Variants in ING3 observed in about 807,000 individuals in gnomAD.
The protein encoded by ING3 is inhibitor of growth family member 3.
Under a neutral mutation model 64.8 loss-of-function variants are expected in ING3, and 6 were observed. That is an observed-to-expected ratio of 0.09 (90% confidence interval 0.05 to 0.18). ING3 has a LOEUF of 0.18. ING3 is among the 10% of genes least tolerant of loss of function. The pLI, the probability that ING3 is intolerant of heterozygous loss-of-function variation, is 1.00. For synonymous variants in ING3, 170 were observed against 173.7 expected (o/e 0.98, Z 0.17); for missense variants, 310 against 489.7 (o/e 0.63, Z 3.46).
chr7:120,953,832 A>G (rs1341211481), intron 3 of ING3, among the ~76,000 whole-genome samples: 3 of 152,226 alleles, frequency 2.0e-5, no homozygotes, highest in Non-Finnish European at 4.4e-5. Flanking sequence ...AATTTAAGAA[A>G]GCCTTCTAGT....
intron 4 of ING3, among the ~76,000 whole-genome samples, chr7:120,963,556 A>C (rs1795961003): frequency 6.6e-6 from 1 of 152,196 alleles, no homozygotes; most frequent in Non-Finnish European, 1.5e-5. Flanking sequence ...GTAATGCATT[A>C]GCTATATGAC....
intron 11 of ING3, among the ~76,000 whole-genome samples, chr7:120,974,100 C>A (rs1231015542): frequency 6.6e-6 from 1 of 152,160 alleles, no homozygotes; most frequent in East Asian, 1.9e-4. Flanking sequence ...ACTGTAAACT[C>A]TTCTGGGGCA....
chr7:120,953,474 A>C, intron 3 of ING3, 70 bp downstream of exon 3: 1 of 868,574 alleles, frequency 1.2e-6, no homozygotes, highest in South Asian at 1.5e-5. Flanking sequence ...TTCAAAATTA[A>C]ATAGTGGTCT....
intron 10 of ING3, 45 bp downstream of exon 10, chr7:120,970,925 G>A (rs762255562): frequency 6.9e-7 from 1 of 1,452,630 alleles, no homozygotes; most frequent in African/African-American, 1.4e-5. Flanking sequence ...GAATAAACTA[G>A]AAGGAAGAGA....
intron 10 of ING3, among the ~76,000 whole-genome samples, chr7:120,971,387 A>G (rs1796068248): frequency 6.6e-6 from 1 of 152,090 alleles, no homozygotes; most frequent in East Asian, 1.9e-4. Flanking sequence ...CCACTCTATG[A>G]CCTCATTTAA....
chr7:120,960,213 C>T (rs962649647), intron 4 of ING3, among the ~76,000 whole-genome samples: 3 of 152,074 alleles, frequency 2.0e-5, no homozygotes, highest in Non-Finnish European at 4.4e-5. Flanking sequence ...GCAAGTTGAA[C>T]CAAGAGAGAG....
In ING3 at chr7:120,961,335, G is replaced by A. The variant is rs573133744; in HGVS notation, c.268-3407G>A. Among the ~76,000 whole-genome samples the A allele has an allele frequency of 6.6e-5, 10 of 151,984 alleles. No individual in the cohort carries two copies. In the South Asian group the frequency reaches 1.0e-3, roughly 16 times the overall value. ...CTTCCCCAATTTACCCTCTTTACTC[G>A]CTATTACTAGACCTTTTCATGGTTA... is the stretch of plus-strand genomic sequence containing the variant. On this transcript the variant is annotated intron_variant, in intron 4 of 11. Coordinates refer to ENST00000315870, the MANE Select transcript of ING3 (RefSeq NM_019071.3).
intron 3 of ING3, 29 bp downstream of exon 3, chr7:120,953,433 A>T: frequency 1.5e-6 from 2 of 1,327,440 alleles, no homozygotes; most frequent in South Asian, 2.5e-5. Flanking sequence ...ATAATTTATC[A>T]AGAAATATTG....
intron 4 of ING3, among the ~76,000 whole-genome samples, chr7:120,962,131 A>G (rs1048911870): frequency 6.6e-6 from 1 of 152,224 alleles, no homozygotes; most frequent in African/African-American, 2.4e-5. Flanking sequence ...ATGGCTGTTT[A>G]ATATTGTTTA....
chr7:120,974,002 G>A (rs551958311), intron 11 of ING3, among the ~76,000 whole-genome samples: 43 of 152,294 alleles, frequency 2.8e-4, no homozygotes, highest in African/African-American at 9.6e-4. Flanking sequence ...TTGGGACAGA[G>A]CCTCCTTCTG....
At chr7:120,963,891 T>C (rs1795965391) in intron 4 of ING3, among the ~76,000 whole-genome samples, 1 of 152,172 alleles carries the variant, frequency 6.6e-6, no homozygotes, top group Admixed American at 6.5e-5. Context: ...GAAACTAGAC[T>C]TAGAAAAGGA....
At position 120,972,727 on chromosome 7, in the gene ING3, G is replaced by A. The variant is rs1796084603; in HGVS notation, c.1102-478G>A. 2.6e-5 allele frequency among the ~76,000 whole-genome samples: 4 copies of A among 152,040 alleles called. No individual in the cohort carries two copies. The South Asian group carries it at 8.3e-4, about 32-fold the overall frequency. On this transcript the variant is annotated intron_variant, in intron 10 of 11. Transcript: ENST00000315870. ...CCACTGAGAACTTCAGTGAACTCAA[G>A]AATTAGCAAGTTATGCCCTAAAGTG...
At chr7:120,959,599 A>G (rs1795901191) in intron 4 of ING3, among the ~76,000 whole-genome samples, 1 of 148,644 alleles carries the variant, frequency 6.7e-6, no homozygotes, top group Admixed American at 6.7e-5. Context: ...GGGCACTGAA[A>G]GTCACCCTAT....
At chr7:120,958,623 A>G (rs537371986) in intron 4 of ING3, among the ~76,000 whole-genome samples, 1 of 152,280 alleles carries the variant, frequency 6.6e-6, no homozygotes, top group African/African-American at 2.4e-5. Context: ...CTTTTCTTAC[A>G]GGTACCTTCC....
intron 10 of ING3, among the ~76,000 whole-genome samples, chr7:120,972,879 T>G (rs1332577521): frequency 6.6e-6 from 1 of 152,130 alleles, no homozygotes; most frequent in Non-Finnish European, 1.5e-5. Flanking sequence ...GTAAAAACTT[T>G]CAGTAAGTAA....
In ING3 at chr7:120,963,671, G is replaced by A. The variant is rs115805191; in HGVS notation, c.268-1071G>A. ...ATCAGATCGAGGGCTAGAAAAGATA[G>A]GTCATCTGATGCGTCAAGCACATTA... On this transcript the variant is annotated intron_variant, in intron 4 of 11. Coordinates refer to ENST00000315870, the MANE Select transcript of ING3 (RefSeq NM_019071.3). 4.6e-3 allele frequency among the ~76,000 whole-genome samples: 696 copies of A among 152,230 alleles called. 5 individuals carry two copies. The highest frequency in any genetic ancestry group is 0.016 in the African/African-American group (655 of 41,540).
At chr7:120,973,611 G>A (rs907888819) in intron 11 of ING3, among the ~76,000 whole-genome samples, 4 of 152,042 alleles carry the variant, frequency 2.6e-5, no homozygotes, top group Admixed American at 6.6e-5. Context: ...AGGCTGCACC[G>A]TGCTAAAGTG....
intron 4 of ING3, chr7:120,955,934 G>T (rs1795839904): frequency 1.0e-5 from 6 of 578,874 alleles, no homozygotes; most frequent in African/African-American, 1.9e-5. Context: ...GTCTTCTTAA[G>T]GTAGTGTGTT....
At position 120,956,328 on chromosome 7, in the gene ING3, A is replaced by G. The variant is rs1795846718; in HGVS notation, c.267+704A>G. The G allele has an allele frequency of 2.9e-6, 4 of 1,402,140 alleles. No homozygotes were observed. In the South Asian group the frequency reaches 6.0e-5, roughly 21 times the overall value. The allele number at this position is 1,402,140 out of a possible 1,614,324, so 86.9% of individuals were successfully genotyped here. ...GCATTAAAGTAAATTAAAGCAGAAA[A>G]CACATGCTCACTTTTGGCTAACTTC... On this transcript the variant is annotated intron_variant, in intron 4 of 11. Coordinates refer to ENST00000315870, the MANE Select transcript of ING3 (RefSeq NM_019071.3).
Sources: allele counts gnomAD v4.1 joint callset (sites outside exome capture counted in the v4.1 genomes callset), GRCh38; gene constraint gnomAD v4.1.1; transcripts MANE v1.5; gene names NCBI Gene and HGNC (gene_info 2026-07-23, HGNC 2026-07-21).